Variants in ZC3H14 observed in about 807,000 individuals in gnomAD.
ZC3H14 encodes the protein zinc finger CCCH-type containing 14, also known as zinc finger CCCH domain-containing protein 14.
Under a neutral mutation model 92.4 loss-of-function variants are expected in ZC3H14, and 31 were observed. The ratio of observed to expected loss-of-function variants is 0.34; its 90% CI spans 0.25 to 0.45. The LOEUF (loss-of-function observed/expected upper bound fraction) is 0.45, where lower values mean the gene tolerates loss of function less well. Among genes scored for constraint, ZC3H14 ranks in the 20% least tolerant of loss-of-function variants. The pLI is 1.00. For missense variants in ZC3H14, 781 were observed against 897.3 expected, an observed-to-expected ratio of 0.87 and a Z score of 1.66; for synonymous variants, 321 against 300.9, an observed-to-expected ratio of 1.07 and a Z score of -0.69.
intron 16 of ZC3H14, among the ~76,000 whole-genome samples, chr14:88,611,275 T>C (rs1255803040): frequency 6.6e-6 from 1 of 151,900 alleles, no homozygotes; most frequent in African/African-American, 2.4e-5. Context: ...CCTCTATACC[T>C]GGCTAATTTT....
chr14:88,581,486 G>A (rs1266248297), intron 9 of ZC3H14, among the ~76,000 whole-genome samples: 1 of 152,072 alleles, frequency 6.6e-6, no homozygotes, highest in Non-Finnish European at 1.5e-5. Context: ...GCTTGGATCC[G>A]GGAGGCGGAG....
intron 2 of ZC3H14, 122 bp from the exon 3 acceptor site, chr14:88,567,917 G>A (rs2079911721): frequency 2.5e-6 from 2 of 790,980 alleles, no homozygotes; most frequent in Non-Finnish European, 4.4e-6. Flanking sequence ...CTTGTCCAAT[G>A]TAATTCCAGT....
At chr14:88,566,028 G>GCCGC (rs1295689343) in intron 2 of ZC3H14, among the ~76,000 whole-genome samples, 45 of 2,716 alleles carry the variant, frequency 0.017, 7 homozygotes, top group East Asian at 0.062. Flanking sequence ...CCACCACCCC[G>GCCGC]CCCCCCCCCC....
chr14:88,609,883 C>T, intron 15 of ZC3H14, 80 bp downstream of exon 15: 1 of 1,454,380 alleles, frequency 6.9e-7, no homozygotes, highest in Non-Finnish European at 9.6e-7. Flanking sequence ...GTCAGAGTTA[C>T]TACATTGGTG....
Position 88,624,902 on chromosome 14 carries a change from A to T in ZC3H14, c.*13151A>T. ...TCTGTGTAGCCTAGAAACAACTAGA[A>T]TAATTAACTGCAAACCTCAGGTAGG... On this transcript the variant is annotated 3_prime_UTR_variant, in exon 17 of 17. Transcript: ENST00000251038. 6.4e-7 allele frequency: 1 copy of T among 1,562,434 alleles called. No homozygotes were observed. The highest frequency in any genetic ancestry group is 8.7e-7 in the Non-Finnish European group (1 of 1,151,760).
chr14:88,576,792 ATTTG>A (rs1390437316), intron 8 of ZC3H14, among the ~76,000 whole-genome samples: 2 of 150,332 alleles, frequency 1.3e-5, no homozygotes, highest in Non-Finnish European at 3.0e-5. Flanking sequence ...CAGTTTTTTT[ATTTG>A]TTTTCTTTTT....
In ZC3H14 at chr14:88,618,665, A is replaced by G. The variant is rs748092785; in HGVS notation, c.*6914A>G. 7.4e-6 allele frequency: 12 copies of G among 1,612,930 alleles called. No individual in the cohort carries two copies. In the South Asian group the frequency reaches 8.8e-5, roughly 12 times the overall value. On this transcript the variant is annotated 3_prime_UTR_variant, in exon 17 of 17. Transcript: ENST00000251038. ...GGTACTGTACCTGGAGATAACTGCT[A>G]TCTGCAGAGAAGTCCATTTGAATGA...
chr14:88,618,594 A>G lies in ZC3H14; in HGVS notation c.*6843A>G. ...AGGAACTTTAAATGCATTCACTAAC[A>G]CGAAATGTAAAAGCAGAAGAACTTG... On this transcript the variant is annotated 3_prime_UTR_variant, in exon 17 of 17. Coordinates refer to ENST00000251038, the MANE Select transcript of ZC3H14 (RefSeq NM_024824.5). 1 of 1,552,506 alleles carries G rather than the reference A, an allele frequency of 6.4e-7. No individual in the cohort carries two copies. The highest frequency in any genetic ancestry group is 8.7e-7 in the Non-Finnish European group (1 of 1,149,570).
chr14:88,627,253 T>C lies in ZC3H14; in HGVS notation c.*15502T>C. ...TATCTTCGCTCCATTAACTTTTCTT[T>C]ATATAACGTAAATGTTTTGTCTAAA... is the stretch of plus-strand genomic sequence containing the variant. On this transcript the variant is annotated 3_prime_UTR_variant, in exon 17 of 17. Transcript: ENST00000251038. 1 of 582,974 alleles carries C rather than the reference T, an allele frequency of 1.7e-6. No homozygotes were observed. The highest frequency in any genetic ancestry group is 3.0e-5 in the Admixed American group (1 of 32,966). The allele number at this position is 582,974 out of a possible 1,614,324, so 36.1% of individuals were successfully genotyped here.
chr14:88,587,158 C>G (rs2082558002), intron 9 of ZC3H14, among the ~76,000 whole-genome samples: 1 of 129,252 alleles, frequency 7.7e-6, no homozygotes, highest in Non-Finnish European at 1.7e-5. Flanking sequence ...GATATGTATC[C>G]TTCAATTCCT....
In ZC3H14 at chr14:88,602,217, A is replaced by G. The variant is rs762184363; in HGVS notation, c.1514+134A>G. The G allele has an allele frequency of 6.7e-6, 8 of 1,191,924 alleles. No individual in the cohort carries two copies. The East Asian group carries it at 9.7e-5, about 14-fold the overall frequency. 73.8% of individuals were successfully genotyped at this position (1,191,924 alleles called of 1,614,324 possible). ...CTTTCATTGATTCAGTAGCTAGCCCATGAATAGTTAGCCAAATTCAGTTTT... is the reference window on the plus strand; with the variant it reads ...CTTTCATTGATTCAGTAGCTAGCCCGTGAATAGTTAGCCAAATTCAGTTTT... On this transcript the variant is annotated intron_variant, in intron 11 of 16. Coordinates refer to ENST00000251038, the MANE Select transcript of ZC3H14 (RefSeq NM_024824.5).
In ZC3H14 at chr14:88,621,126, T is replaced by C. The variant is rs765879481; in HGVS notation, c.*9375T>C. On this transcript the variant is annotated 3_prime_UTR_variant, in exon 17 of 17. Coordinates refer to ENST00000251038, the MANE Select transcript of ZC3H14 (RefSeq NM_024824.5). ...ATCTGTACTTACTTTATCAGCAATA[T>C]CCCAAAGTCTCACTGTCCCATCTTC... is the stretch of plus-strand genomic sequence containing the variant. The C allele has an allele frequency of 6.2e-7, 1 of 1,613,744 alleles. No individual in the cohort carries two copies. Among genetic ancestry groups the C allele is most frequent in the Non-Finnish European group, 8.5e-7 (1 of 1,179,822 alleles).
rs1271914122 is a variant in ZC3H14 at position 88,590,310 on chromosome 14, G to A, written c.1280-6424G>A. ...TTAGATCATGCTACTTTGCAGCTTAGAACCCCCCAGGGGCTCCCTGTCACA... is the reference window on the plus strand; with the variant it reads ...TTAGATCATGCTACTTTGCAGCTTAAAACCCCCCAGGGGCTCCCTGTCACA... On this transcript the variant is annotated intron_variant, in intron 9 of 16. Coordinates refer to ENST00000251038, the MANE Select transcript of ZC3H14 (RefSeq NM_024824.5). 3 of 152,282 alleles carry A rather than the reference G, an allele frequency of 2.0e-5. No homozygotes were observed. The South Asian group carries it at 6.2e-4, about 32-fold the overall frequency. 9.4% of individuals were successfully genotyped at this position (152,282 alleles called of 1,614,324 possible). A position where few individuals can be genotyped will look rare whatever the true frequency, so the allele number is the denominator to read the frequency against.
chr14:88,577,092 G>A (rs574929612), intron 8 of ZC3H14, among the ~76,000 whole-genome samples: 4 of 152,214 alleles, frequency 2.6e-5, no homozygotes, highest in African/African-American at 9.6e-5. Flanking sequence ...ACCGCGCCTG[G>A]CACCATCAGT....
Position 88,626,174 on chromosome 14 carries a change from A to C in ZC3H14, c.*14423A>C, listed in dbSNP as rs952833998. The C allele has an allele frequency of 6.6e-6, 1 of 152,334 alleles. No homozygotes were observed. Among genetic ancestry groups the C allele is most frequent in the African/African-American group, 2.4e-5 (1 of 41,466 alleles). The allele number at this position is 152,334 out of a possible 1,614,324, so 9.4% of individuals were successfully genotyped here. ...CTAAACCCTAGTACCACCTTAAATC[A>C]TTTGAAAATCATGTTTCTTGATTTA... On this transcript the variant is annotated 3_prime_UTR_variant, in exon 17 of 17. Coordinates refer to ENST00000251038, the MANE Select transcript of ZC3H14 (RefSeq NM_024824.5).
rs369350892 is a variant in ZC3H14 at position 88,616,193 on chromosome 14, C to T, written c.*4442C>T. 1.9e-5 allele frequency: 31 copies of T among 1,613,742 alleles called. No individual in the cohort carries two copies. Among genetic ancestry groups the T allele is most frequent in the Non-Finnish European group, 2.6e-5 (31 of 1,179,832 alleles). ...AACATGTCGATCACCACTGGTAAAT[C>T]GAATATTTGTCACATGGGGCGAATG... On this transcript the variant is annotated 3_prime_UTR_variant, in exon 17 of 17. Transcript: ENST00000251038.
chr14:88,601,515 C>G (rs1447125882), intron 10 of ZC3H14, among the ~76,000 whole-genome samples: 1 of 152,128 alleles, frequency 6.6e-6, no homozygotes, highest in Non-Finnish European at 1.5e-5. Flanking sequence ...TGGTACTGTG[C>G]GAAGTGAACA....
rs1187866531 is a variant in ZC3H14 at position 88,607,300 on chromosome 14, A to G, written c.1805A>G (p.Lys602Arg). 8 of 1,614,044 alleles carry G rather than the reference A, an allele frequency of 5.0e-6. No individual in the cohort carries two copies. Among genetic ancestry groups the G allele is most frequent in the African/African-American group, 1.3e-5 (1 of 74,956 alleles). Residue 602 changes from lysine to arginine, a missense_variant, in exon 13 of 17, where the codon AAG (lysine) becomes AGG (arginine). By Grantham distance (26) the Lys-to-Arg change is conservative. Transcript: ENST00000251038. The stretch of plus-strand genomic sequence containing the variant: ...CCAGAAAAACTTTTGGAGCGCTGCA[A>G]GTACTGGCCTGCTTGTAAAAATGGG... ...QKPEKLLERC[K>R]YWPACKNGDE...
chr14:88,565,300 C>T (rs886669005), intron 2 of ZC3H14, among the ~76,000 whole-genome samples: 3 of 151,798 alleles, frequency 2.0e-5, no homozygotes, highest in South Asian at 4.2e-4. Flanking sequence ...TGCCACTACA[C>T]CCAGCTAATT....
Sources: allele counts gnomAD v4.1 joint callset (sites outside exome capture counted in the v4.1 genomes callset), GRCh38; gene constraint gnomAD v4.1.1; transcripts MANE v1.5; gene names NCBI Gene and HGNC (gene_info 2026-07-23, HGNC 2026-07-21).